Variants in DLG3 observed in about 807,000 individuals in gnomAD.
DLG3 encodes disks large homolog 3.
In DLG3, 1 loss-of-function variant was observed where a neutral mutation model predicts 64.1. The observed-to-expected ratio is 0.02, with a 90% CI of 0.01 to 0.07. The LOEUF is 0.07. Ranked by LOEUF, DLG3 falls within the 10% of genes least tolerant of loss-of-function variation. DLG3 has a pLI of 1.00. For synonymous variants in DLG3, 245 were observed against 259.8 expected (o/e 0.94, Z 0.55); for missense variants, 429 against 669.5 (o/e 0.64, Z 3.96).
intron 9 of DLG3, among the ~76,000 whole-genome samples, chrX:70,471,676 G>GGAAAAA (rs1429029031): frequency 9.0e-6 from 1 of 111,280 alleles, no homozygotes; most frequent in East Asian, 2.8e-4. Context: ...AAAAAACTCA[G>GGAAAAA]ATTCTTTGCC....
intron 9 of DLG3, among the ~76,000 whole-genome samples, chrX:70,464,869 T>C (rs914372840): frequency 1.8e-5 from 2 of 111,331 alleles, no homozygotes; most frequent in Admixed American, 9.6e-5. Flanking sequence ...GGCAGGAGAA[T>C]CTCTTGAATC....
chrX:70,473,342 C>G (rs1367191360), intron 9 of DLG3, among the ~76,000 whole-genome samples: 1 of 109,907 alleles, frequency 9.1e-6, no homozygotes, highest in Admixed American at 9.8e-5. Context: ...TCACCAGCGC[C>G]CTTTCCCTGG....
chrX:70,461,248 C>T (rs1272520558), intron 9 of DLG3, among the ~76,000 whole-genome samples: 1 of 112,425 alleles, frequency 8.9e-6, no homozygotes, highest in Non-Finnish European at 1.9e-5. Flanking sequence ...CCTTTTGATT[C>T]TAGCCATCCT....
chrX:70,484,935 T>G (rs2087228651), intron 10 of DLG3, among the ~76,000 whole-genome samples: 1 of 112,193 alleles, frequency 8.9e-6, no homozygotes, highest in Non-Finnish European at 1.9e-5. Context: ...GCTGTTAGGC[T>G]GCTCTTCAGA....
chrX:70,447,746 G>T (rs886097619), intron 1 of DLG3, among the ~76,000 whole-genome samples: 4 of 112,482 alleles, frequency 3.6e-5, no homozygotes, highest in Non-Finnish European at 7.5e-5. Flanking sequence ...ATTCTTGGAG[G>T]TGAAAGTGGG....
Position 70,448,788 on chromosome X carries a change from G to C in DLG3, c.358-125G>C. On this transcript the variant is annotated intron_variant, in intron 1 of 18. Coordinates refer to ENST00000374360, the MANE Select transcript of DLG3 (RefSeq NM_021120.4). ...TCAGCCTGTCCTCATCTGTGGCCAA[G>C]AGGTGACCTGGGGTGCACTTGGGCT... The C allele has an allele frequency of 5.1e-6, 5 of 984,729 alleles. No homozygotes were observed. In the South Asian group the frequency reaches 1.0e-4, roughly 20 times the overall value. The allele number at this position is 984,729 out of a possible 1,213,427, so 81.2% of individuals were successfully genotyped here. A position where few individuals can be genotyped will look rare whatever the true frequency, so the allele number is the denominator to read the frequency against.
chrX:70,499,423 A>G, intron 15 of DLG3, 146 bp downstream of exon 15: 1 of 517,276 alleles, frequency 1.9e-6, no homozygotes, highest in South Asian at 2.6e-5. Flanking sequence ...GTAGGTGGCA[A>G]TATATTCCCC....
chrX:70,502,662 C>T lies in DLG3; in HGVS notation c.*393C>T, dbSNP rs946818284. The T allele has an allele frequency of 4.1e-5, 7 of 171,668 alleles. No individual in the cohort carries two copies. The highest frequency in any genetic ancestry group is 2.2e-4 in the African/African-American group (7 of 31,684). The allele number at this position is 171,668 out of a possible 1,213,427, so 14.1% of individuals were successfully genotyped here. A position where few individuals can be genotyped will look rare whatever the true frequency, so the allele number is the denominator to read the frequency against. On this transcript the variant is annotated 3_prime_UTR_variant, in exon 19 of 19. Coordinates refer to ENST00000374360, the MANE Select transcript of DLG3 (RefSeq NM_021120.4). ...GGCTTGTGAAGTGAGCTAAATGCAC[C>T]ACATGATGAGATGCTCCTGGGCATT...
At chrX:70,479,576 C>T (rs1426815556) in intron 10 of DLG3, among the ~76,000 whole-genome samples, 1 of 111,783 alleles carries the variant, frequency 8.9e-6, no homozygotes, top group Non-Finnish European at 1.9e-5. Flanking sequence ...ACTTTGCTTG[C>T]AATCTGTGCT....
chrX:70,464,373 C>A (rs2086854305), intron 9 of DLG3, among the ~76,000 whole-genome samples: 1 of 110,141 alleles, frequency 9.1e-6, no homozygotes, highest in South Asian at 3.9e-4. Context: ...AGTGATCCTC[C>A]CACCTCAGCC....
At chrX:70,452,647 G>A in intron 7 of DLG3, 1 of 1,196,028 alleles carries the variant, frequency 8.4e-7, no homozygotes, top group Non-Finnish European at 1.1e-6. Flanking sequence ...AAGTTCTCGG[G>A]CTCCGGCTTG....
At chrX:70,446,085 C>T (rs1295037364) in intron 1 of DLG3, among the ~76,000 whole-genome samples, 2 of 110,834 alleles carry the variant, frequency 1.8e-5, no homozygotes, top group Non-Finnish European at 3.8e-5. Context: ...AGTCCCTCTC[C>T]GTCCCAGTCC....
intron 9 of DLG3, chrX:70,455,234 C>T (rs2086683957): frequency 2.7e-6 from 2 of 753,338 alleles, no homozygotes; most frequent in Non-Finnish European, 3.1e-6. Flanking sequence ...GCTTTCTCAG[C>T]ACTAGATCTG....
intron 9 of DLG3, among the ~76,000 whole-genome samples, chrX:70,473,578 T>C (rs962601130): frequency 8.1e-5 from 9 of 111,717 alleles, no homozygotes; most frequent in African/African-American, 1.6e-4. Context: ...ACAGTAGACA[T>C]TCAGTAATTT....
Position 70,445,394 on chromosome X carries a change from G to T in DLG3, c.193G>T (p.Ala65Ser), listed in dbSNP as rs760217541. The part of the protein sequence containing the change: ...SSQTLPSQAG[A>S]TPTPRTKAKL... The stretch of plus-strand genomic sequence containing the variant: ...GCAGACCTTGCCCTCGCAGGCGGGG[G>T]CCACCCCCACCCCTCGCACCAAGGC... The change falls in exon 1 of 19, where the codon GCC (alanine) becomes TCC (serine). Residue 65 changes from alanine (A) to serine (S), a missense_variant. Physicochemically the swap from Ala to Ser is moderately conservative, Grantham distance 99. This residue lies in a region of DLG3 where 123 missense variants were observed against 113.3 expected (regional missense o/e 1.09). Coordinates refer to ENST00000374360, the MANE Select transcript of DLG3 (RefSeq NM_021120.4). The T allele has an allele frequency of 8.4e-7, 1 of 1,184,232 alleles. No homozygotes were observed. The highest frequency in any genetic ancestry group is 1.1e-6 in the Non-Finnish European group (1 of 882,260).
chrX:70,450,455 G>T (rs926477347), intron 5 of DLG3, 150 bp downstream of exon 5: 21 of 931,964 alleles, frequency 2.3e-5, no homozygotes, highest in Non-Finnish European at 3.1e-5. Context: ...CAGATACAAA[G>T]GCCCTAATTC....
At chrX:70,460,300 A>AAAC (rs2086781672) in intron 9 of DLG3, among the ~76,000 whole-genome samples, 4 of 100,668 alleles carry the variant, frequency 4.0e-5, no homozygotes, top group African/African-American at 7.4e-5. Context: ...AAAAAAAAAA[A>AAAC]AAAAAAACTC....
chrX:70,500,397 G>A (rs1396430279), intron 16 of DLG3, 74 bp from the exon 17 acceptor site: 9 of 721,791 alleles, frequency 1.2e-5, no homozygotes, highest in East Asian at 1.1e-4. Flanking sequence ...TGGATGTTTA[G>A]AATGTCACTG....
At position 70,502,421 on chromosome X, in the gene DLG3, G is replaced by T; in HGVS notation, c.*152G>T. The stretch of plus-strand genomic sequence containing the variant: ...AAAAAAAATTAAGTTTTCTAGTCCT[G>T]TTCTTTTTTTTTTTTTAAGTTTTTG... On this transcript the variant is annotated 3_prime_UTR_variant, in exon 19 of 19. Coordinates refer to ENST00000374360, the MANE Select transcript of DLG3 (RefSeq NM_021120.4). 44 of 417,847 alleles carry T rather than the reference G, an allele frequency of 1.1e-4. No homozygotes were observed. Among genetic ancestry groups the T allele is most frequent in the East Asian group, 2.1e-4 (5 of 23,610 alleles). 34.4% of individuals were successfully genotyped at this position (417,847 alleles called of 1,213,427 possible).
Sources: allele counts gnomAD v4.1 joint callset (sites outside exome capture counted in the v4.1 genomes callset), GRCh38; gene constraint gnomAD v4.1.1; regional missense constraint gnomAD v4.1.1; transcripts MANE v1.5; gene names NCBI Gene and HGNC (gene_info 2026-07-23, HGNC 2026-07-21).